MYO9A: variants seen among roughly 807,000 people sequenced by gnomAD.
MYO9A encodes unconventional myosin-IXa.
In MYO9A, 103 loss-of-function variants were observed where a neutral mutation model predicts 293.3. That is an observed-to-expected ratio of 0.35 (90% confidence interval 0.30 to 0.41). The LOEUF (loss-of-function observed/expected upper bound fraction) is 0.41, where lower values mean the gene tolerates loss of function less well. Ranked by LOEUF, MYO9A falls within the 10% of genes least tolerant of loss-of-function variation. The pLI, the probability that MYO9A is intolerant of heterozygous loss-of-function variation, is 1.00. For missense variants in MYO9A, 2,685 were observed against 3,033.0 expected, an observed-to-expected ratio of 0.89 and a Z score of 2.69; for synonymous variants, 1,001 against 1,035.7, an observed-to-expected ratio of 0.97 and a Z score of 0.64.
At chr15:71,921,890 C>T (rs553823967) in intron 18 of MYO9A, among the ~76,000 whole-genome samples, 44 of 152,276 alleles carry the variant, frequency 2.9e-4, no homozygotes, top group African/African-American at 1.1e-3. Flanking sequence ...TCCATAGCCC[C>T]TAATGCTTTC....
At chr15:71,853,377 C>G (rs1447044327) in intron 35 of MYO9A, among the ~76,000 whole-genome samples, 2 of 152,214 alleles carry the variant, frequency 1.3e-5, no homozygotes, top group Non-Finnish European at 1.5e-5. Flanking sequence ...CACTTATAAA[C>G]TCCCTAAGGA....
intron 2 of MYO9A, among the ~76,000 whole-genome samples, chr15:72,044,103 C>T (rs936001452): frequency 2.0e-5 from 3 of 152,248 alleles, no homozygotes; most frequent in African/African-American, 7.2e-5. Flanking sequence ...TTAAAATCTT[C>T]TCTTGGAAAT....
chr15:72,016,695 T>A (rs2077349407), intron 6 of MYO9A, among the ~76,000 whole-genome samples: 1 of 152,134 alleles, frequency 6.6e-6, no homozygotes, highest in African/African-American at 2.4e-5. Flanking sequence ...AGAAAAACAA[T>A]CAGAAATTAA....
intron 16 of MYO9A, 29 bp from the exon 17 acceptor site, chr15:71,935,513 A>T (rs765442336): frequency 4.4e-6 from 7 of 1,602,100 alleles, no homozygotes; most frequent in Middle Eastern, 1.7e-4. Context: ...GCTTTAGTTA[A>T]TGAAGACGTC....
rs1010972835 is a variant in MYO9A at position 72,108,695 on chromosome 15, C to A, written c.-72+8985G>T. Among the ~76,000 whole-genome samples the A allele has an allele frequency of 3.3e-5, 5 of 150,706 alleles. No homozygotes were observed. In the South Asian group the frequency reaches 1.0e-3, roughly 31 times the overall value. ...TGTTGGTAATAGCACACTGGTGATA[C>A]GAAAAATATGTATTTCTTAGAAAAT... is the stretch of plus-strand genomic sequence containing the variant. On this transcript the variant is annotated intron_variant, in intron 1 of 41. Coordinates refer to ENST00000356056, the MANE Select transcript of MYO9A (RefSeq NM_006901.4).
At chr15:72,077,741 AAAAAAAAAAAAATATATATAT>A (rs983692295) in intron 1 of MYO9A, among the ~76,000 whole-genome samples, 1 of 30,332 alleles carries the variant, frequency 3.3e-5, no homozygotes, top group Non-Finnish European at 7.7e-5. Context: ...AAGAAAAAAA[AAAAAAAAAAAAATATATATAT>A]ATATATATAT....
At chr15:71,975,935 G>A (rs142025734) in intron 12 of MYO9A, among the ~76,000 whole-genome samples, 221 of 152,278 alleles carry the variant, frequency 1.5e-3, no homozygotes, top group African/African-American at 4.6e-3. Context: ...AGGACATGGA[G>A]GCTCTGTGCT....
At chr15:72,098,439 C>T (rs1434352552) in intron 1 of MYO9A, among the ~76,000 whole-genome samples, 2 of 152,012 alleles carry the variant, frequency 1.3e-5, no homozygotes, top group Non-Finnish European at 2.9e-5. Flanking sequence ...TAAAAATTGT[C>T]ACTTATTTGG....
At chr15:71,886,182 T>C (rs1369826733) in intron 27 of MYO9A, among the ~76,000 whole-genome samples, 2 of 124,394 alleles carry the variant, frequency 1.6e-5, no homozygotes, top group African/African-American at 5.4e-5. Context: ...GTGATTATTA[T>C]TTAAAGTAGG....
At chr15:71,834,895 A>C (rs899293737) in intron 39 of MYO9A, among the ~76,000 whole-genome samples, 3 of 152,274 alleles carry the variant, frequency 2.0e-5, no homozygotes, top group African/African-American at 7.2e-5. Flanking sequence ...GTAATATAAA[A>C]ATTTTAAATA....
chr15:71,835,665 G>A (rs1460410653), intron 39 of MYO9A, among the ~76,000 whole-genome samples: 7 of 152,058 alleles, frequency 4.6e-5, no homozygotes, highest in African/African-American at 1.7e-4. Context: ...TCACAGATGG[G>A]AAAAATCAGT....
chr15:71,915,327 T>A (rs2057977249), intron 19 of MYO9A, among the ~76,000 whole-genome samples: 3 of 152,122 alleles, frequency 2.0e-5, no homozygotes, highest in Non-Finnish European at 4.4e-5. Context: ...GAAGGATTTT[T>A]AAAATTCATG....
At chr15:71,841,564 T>C (rs2055161052) in intron 39 of MYO9A, among the ~76,000 whole-genome samples, 1 of 152,106 alleles carries the variant, frequency 6.6e-6, no homozygotes, top group Non-Finnish European at 1.5e-5. Flanking sequence ...AAACCCTCCT[T>C]GGTCAAGATT....
chr15:72,069,349 T>C (rs17741884), intron 1 of MYO9A, among the ~76,000 whole-genome samples: 10,128 of 152,302 alleles, frequency 0.066, 489 homozygotes, highest in Non-Finnish European at 0.1. Flanking sequence ...GCATATTTGA[T>C]AGTCTCCCCT....
chr15:71,840,763 G>A (rs1291267123), intron 39 of MYO9A, among the ~76,000 whole-genome samples: 1 of 152,102 alleles, frequency 6.6e-6, no homozygotes, highest in Non-Finnish European at 1.5e-5. Flanking sequence ...CTGAGTAGCT[G>A]GGACTACAGG....
intron 13 of MYO9A, 165 bp from the exon 14 acceptor site, chr15:71,960,261 G>C (rs2059295397): frequency 4.9e-6 from 3 of 617,280 alleles, no homozygotes; most frequent in African/African-American, 1.8e-5. Flanking sequence ...GGGTCATGGA[G>C]GCAGATCCCT....
At chr15:71,924,519 G>A (rs2058240105) in intron 18 of MYO9A, among the ~76,000 whole-genome samples, 1 of 152,092 alleles carries the variant, frequency 6.6e-6, no homozygotes, top group African/African-American at 2.4e-5. Context: ...TGGGATTACA[G>A]GTGTGAGCCA....
intron 33 of MYO9A, 99 bp from the exon 34 acceptor site, chr15:71,859,895 T>A: frequency 1.0e-6 from 1 of 961,606 alleles, no homozygotes; most frequent in Non-Finnish European, 1.6e-6. Flanking sequence ...TTTTTTTCTT[T>A]AAATCTCAGA....
chr15:71,837,523 T>G (rs749443597), intron 39 of MYO9A, among the ~76,000 whole-genome samples: 1 of 152,124 alleles, frequency 6.6e-6, no homozygotes, highest in Admixed American at 6.5e-5. Flanking sequence ...TTATTCCTAG[T>G]GTCCACATTC....
Sources: allele counts gnomAD v4.1 joint callset (sites outside exome capture counted in the v4.1 genomes callset), GRCh38; gene constraint gnomAD v4.1.1; transcripts MANE v1.5; gene names NCBI Gene and HGNC (gene_info 2026-07-23, HGNC 2026-07-21).